KRT8: variants seen among roughly 807,000 people sequenced by gnomAD.
The protein encoded by KRT8 is keratin, type II cytoskeletal 8.
KRT8 carries 24 observed loss-of-function variants against 43.0 expected under a neutral mutation model. That is an observed-to-expected ratio of 0.56 (90% CI 0.40 to 0.78). KRT8 has a LOEUF of 0.78. Ranked by LOEUF, KRT8 falls within the 30% of genes least tolerant of loss-of-function variation. The pLI, the probability that KRT8 is intolerant of heterozygous loss-of-function variation, is 0.00. For synonymous variants in KRT8, 214 were observed against 261.2 expected (o/e 0.82, Z 1.74); for missense variants, 492 against 638.4 (o/e 0.77, Z 2.47).
intron 2 of KRT8, among the ~76,000 whole-genome samples, chr12:52,937,523 A>G (rs1402106074): frequency 6.6e-6 from 1 of 151,770 alleles, no homozygotes; most frequent in Non-Finnish European, 1.5e-5. Context: ...CCCTGTCTCT[A>G]CAAAATATAC....
chr12:52,913,227 C>T (rs564366993), intron 2 of KRT8, among the ~76,000 whole-genome samples: 2 of 152,328 alleles, frequency 1.3e-5, no homozygotes, highest in African/African-American at 4.8e-5. Flanking sequence ...CCCACCCCAT[C>T]CCCACCTGCT....
intron 2 of KRT8, among the ~76,000 whole-genome samples, chr12:52,915,920 G>A (rs1447124684): frequency 1.3e-5 from 2 of 152,004 alleles, no homozygotes; most frequent in Admixed American, 1.3e-4. Flanking sequence ...CCTTATCAAC[G>A]GAATATTGAT....
intron 2 of KRT8, among the ~76,000 whole-genome samples, chr12:52,919,155 G>C (rs78376373): frequency 6.6e-6 from 1 of 152,138 alleles, no homozygotes; most frequent in African/African-American, 2.4e-5. Flanking sequence ...GCCTACTGAC[G>C]CCCACTTGCT....
At chr12:52,930,588 T>A (rs914808748) in intron 2 of KRT8, among the ~76,000 whole-genome samples, 1 of 151,868 alleles carries the variant, frequency 6.6e-6, no homozygotes, top group Non-Finnish European at 1.5e-5. Context: ...TGAGACAAAG[T>A]CTTACTCCGT....
intron 7 of KRT8, among the ~76,000 whole-genome samples, chr12:52,897,910 G>C (rs2120537998): frequency 6.6e-6 from 1 of 152,266 alleles, no homozygotes; most frequent in Non-Finnish European, 1.5e-5. Context: ...TTACAGCCAG[G>C]CCCAGTGTCT....
chr12:52,924,470 A>G (rs1941951962), intron 2 of KRT8, among the ~76,000 whole-genome samples: 1 of 151,238 alleles, frequency 6.6e-6, no homozygotes. Context: ...AAAAAATCAT[A>G]CTTGATTTGG....
chr12:52,949,799 G>A lies in KRT8; in HGVS notation c.-261C>T, dbSNP rs1158685971. The A allele has an allele frequency of 5.6e-6, 4 of 709,834 alleles. No individual in the cohort carries two copies. The South Asian group carries it at 5.9e-5, about 10-fold the overall frequency. The allele number at this position is 709,834 out of a possible 1,614,324, so 44.0% of individuals were successfully genotyped here. ...AGGGCTCTTTCCCAGGAGAGAGGGG[G>A]AAGGGGACAGGGTTGAGAGCTTTAC... On this transcript the variant is annotated 5_prime_UTR_variant, in exon 1 of 7. Transcript: ENST00000546826.
chr12:52,900,575 A>C lies in KRT8; in HGVS notation c.690+13T>G. The C allele has an allele frequency of 6.3e-7, 1 of 1,577,300 alleles. No individual in the cohort carries two copies. Among genetic ancestry groups the C allele is most frequent in the Non-Finnish European group, 8.7e-7 (1 of 1,148,198 alleles). ...GCTGGGGGACCCTCACTCTCCTGCGACCAGGAACATACCTCTTCATATAGC... is the reference window on the plus strand; with the variant it reads ...GCTGGGGGACCCTCACTCTCCTGCGCCCAGGAACATACCTCTTCATATAGC... On this transcript the variant is annotated intron_variant, in intron 4 of 7. Coordinates refer to ENST00000692008, the Ensembl canonical transcript of KRT8.
chr12:52,911,602 TA>T (rs1265753675), upstream of KRT8, among the ~76,000 whole-genome samples: 1 of 152,152 alleles, frequency 6.6e-6, no homozygotes, highest in East Asian at 1.9e-4. Flanking sequence ...CACTATAAAG[TA>T]GGTGCCATAA....
intron 2 of KRT8, among the ~76,000 whole-genome samples, chr12:52,918,180 G>GGAAGAAGAAGAA (rs869098018): frequency 0.041 from 3,061 of 73,766 alleles, 498 homozygotes; most frequent in East Asian, 0.089. Flanking sequence ...AAGAGGAAGA[G>GGAAGAAGAAGAA]GAAGAAGAAG....
chr12:52,944,244 A>T lies in KRT8; in HGVS notation c.-47+5212T>A, dbSNP rs185719936. Among the ~76,000 whole-genome samples the T allele has an allele frequency of 1.2e-4, 18 of 152,306 alleles. No homozygotes were observed. The East Asian group carries it at 2.1e-3, about 18-fold the overall frequency. ...AAGATCACTAAGCCAGCAGTGGGGA[A>T]TATTGTGAAATATTGAAATATTTTA... On this transcript the variant is annotated intron_variant, in intron 2 of 6. Transcript: ENST00000546826.
intron 2 of KRT8, among the ~76,000 whole-genome samples, chr12:52,931,421 GA>G: frequency 6.6e-6 from 1 of 152,140 alleles, no homozygotes; most frequent in African/African-American, 2.4e-5. Context: ...ATTTCCTAGG[GA>G]ACTTGTTGTA....
chr12:52,905,186 G>A (rs1291151880), upstream of KRT8: 1 of 944,304 alleles, frequency 1.1e-6, no homozygotes, highest in Non-Finnish European at 1.5e-6. Context: ...GCCACCTCCG[G>A]GCAGGACTCA....
rs1189874091 is a variant in KRT8 at position 52,933,484 on chromosome 12, T to C, written c.-47+15972A>G. On this transcript the variant is annotated intron_variant, in intron 2 of 6. Coordinates refer to the KRT8 transcript ENST00000546826. ...GACTCAATGTTGTTAAGATGCTAAC[T>C]CACTTGGAATTGATCTGCAAGTTTA... Among the ~76,000 whole-genome samples, 8 of 152,296 alleles carry C rather than the reference T, an allele frequency of 5.3e-5. No individual in the cohort carries two copies. In the South Asian group the frequency reaches 1.7e-3, roughly 32 times the overall value.
At position 52,899,833 on chromosome 12, in the gene KRT8, G is replaced by A. The variant is rs1390818273; in HGVS notation, c.923C>T (p.Ser308Phe). The change falls in exon 5 of 8, where the codon TCT becomes TTT. Residue 308 changes from serine (S) to phenylalanine (F), a missense_variant. Ser to Phe is a radical substitution (Grantham distance 155, BLOSUM62 -2). Coordinates refer to ENST00000692008, the Ensembl canonical transcript of KRT8. ...CCGGCTGATGTTCCGGTTCATCTCAGAGATCTCAGTCTTTGTGCGCCGCAG... is the reference window on the plus strand; with the variant it reads ...CCGGCTGATGTTCCGGTTCATCTCAAAGATCTCAGTCTTTGTGCGCCGCAG... 3 of 1,612,104 alleles carry A rather than the reference G, an allele frequency of 1.9e-6. No individual in the cohort carries two copies. The Admixed American group carries it at 5.0e-5, about 27-fold the overall frequency.
chr12:52,901,852 G>A lies in KRT8; in HGVS notation c.533+12C>T, dbSNP rs773764460. 3 of 1,588,206 alleles carry A rather than the reference G, an allele frequency of 1.9e-6. No homozygotes were observed. Among genetic ancestry groups the A allele is most frequent in the East Asian group, 2.2e-5 (1 of 44,770 alleles). On this transcript the variant is annotated intron_variant, in intron 2 of 7. Transcript: ENST00000692008. ...GGTGACTTCAGTTGGGTGGAGGGTG[G>A]GAGTTGCTCACTTGTTCTTGAAGTC...
At chr12:52,938,670 T>G (rs1051455144) in intron 2 of KRT8, among the ~76,000 whole-genome samples, 2 of 151,320 alleles carry the variant, frequency 1.3e-5, no homozygotes, top group Non-Finnish European at 2.9e-5. Context: ...GAGGCTGGAG[T>G]GCAGTGGTGC....
intron 2 of KRT8, among the ~76,000 whole-genome samples, chr12:52,943,284 C>T (rs2055037): frequency 1.3e-5 from 2 of 151,938 alleles, no homozygotes; most frequent in Admixed American, 1.3e-4. Context: ...GTCCACACCC[C>T]GGCTCCAGGC....
intron 2 of KRT8, among the ~76,000 whole-genome samples, chr12:52,928,035 G>T (rs1942022468): frequency 1.3e-5 from 2 of 152,326 alleles, no homozygotes; most frequent in South Asian, 4.1e-4. Context: ...TCCAGGCTGG[G>T]CAACAAAAGC....
Sources: allele counts gnomAD v4.1 joint callset (sites outside exome capture counted in the v4.1 genomes callset), GRCh38; gene constraint gnomAD v4.1.1; transcripts MANE v1.5; gene names NCBI Gene and HGNC (gene_info 2026-07-23, HGNC 2026-07-21).